ILDR2: variants seen among roughly 807,000 people sequenced by gnomAD.
The protein encoded by ILDR2 is immunoglobulin-like domain-containing receptor 2.
Under a neutral mutation model 66.8 loss-of-function variants are expected in ILDR2, and 25 were observed. The observed-to-expected ratio is 0.37, with a 90% confidence interval of 0.27 to 0.52. The LOEUF (loss-of-function observed/expected upper bound fraction) is 0.52. ILDR2 is among the 20% of genes least tolerant of loss of function. The pLI, the probability that ILDR2 is intolerant of heterozygous loss-of-function variation, is 0.88. For synonymous variants in ILDR2, 367 were observed against 357.2 expected, an observed-to-expected ratio of 1.03 and a Z score of -0.31; for missense variants, 827 against 876.8, an observed-to-expected ratio of 0.94 and a Z score of 0.72.
intron 7 of ILDR2, among the ~76,000 whole-genome samples, chr1:166,925,882 C>T (rs1168676499): frequency 1.3e-5 from 2 of 152,148 alleles, no homozygotes; most frequent in East Asian, 1.9e-4. Flanking sequence ...CTGTGAGATT[C>T]GCAAATTTCC....
chr1:166,904,654 A>C (rs1479940853), downstream of ILDR2, among the ~76,000 whole-genome samples: 1 of 152,210 alleles, frequency 6.6e-6, no homozygotes, highest in Non-Finnish European at 1.5e-5. Flanking sequence ...GGATCTGTAA[A>C]ACAGAGAAAA....
chr1:166,932,074 G>C (rs1300188394), intron 6 of ILDR2, among the ~76,000 whole-genome samples: 1 of 152,204 alleles, frequency 6.6e-6, no homozygotes, highest in East Asian at 1.9e-4. Flanking sequence ...AAACAAAACA[G>C]GAACATCTGG....
At chr1:166,969,556 CCT>C (rs1387990250) in intron 1 of ILDR2, among the ~76,000 whole-genome samples, 7 of 152,202 alleles carry the variant, frequency 4.6e-5, no homozygotes, top group African/African-American at 1.7e-4. Context: ...TGGGGCACAT[CCT>C]CTGTTCTCAC....
chr1:166,913,208 G>C lies in ILDR2; in HGVS notation c.*6147C>G, dbSNP rs1269535741. On this transcript the variant is annotated 3_prime_UTR_variant, in exon 10 of 10. Coordinates refer to ENST00000271417, the MANE Select transcript of ILDR2 (RefSeq NM_199351.3). ...TTATGAGTTCTTGGTAACAAATGTA[G>C]GTAAGAATTCTTTATTACGTTTAAA... 1 of 152,066 alleles carries C rather than the reference G, an allele frequency of 6.6e-6. No homozygotes were observed. The highest frequency in any genetic ancestry group is 1.5e-5 in the Non-Finnish European group (1 of 68,018). 9.4% of individuals were successfully genotyped at this position (152,066 alleles called of 1,614,324 possible). A position where few individuals can be genotyped will look rare whatever the true frequency, so the allele number is the denominator to read the frequency against.
chr1:166,909,774 T>TATATAAATATATATAA lies in ILDR2; in HGVS notation c.*9580_*9581insTTATATATATTTATAT. 2.8e-5 allele frequency: 1 copy of TATATAAATATATATAA among 35,440 alleles called. No homozygotes were observed. The highest frequency in any genetic ancestry group is 5.1e-5 in the Non-Finnish European group (1 of 19,756). The allele number at this position is 35,440 out of a possible 1,614,324, so 2.2% of individuals were successfully genotyped here. ...ATATATATATAAATATATATAAATATATATATTTATATATATATATATATA... is the reference window on the plus strand; with the variant it reads ...ATATATATATAAATATATATAAATATATATAAATATATATAAATATATTTATATATATATATATATA... On this transcript the variant is annotated 3_prime_UTR_variant, in exon 10 of 10. Transcript: ENST00000271417.
intron 2 of ILDR2, among the ~76,000 whole-genome samples, chr1:166,898,905 A>G (rs1659214991): frequency 1.3e-5 from 2 of 151,830 alleles, no homozygotes; most frequent in South Asian, 4.2e-4. Context: ...AAAAAAAAAA[A>G]AGAAATTAGC....
At chr1:166,945,156 C>A (rs1166242082) in intron 3 of ILDR2, among the ~76,000 whole-genome samples, 1 of 152,140 alleles carries the variant, frequency 6.6e-6, no homozygotes, top group Admixed American at 6.5e-5. Flanking sequence ...CTATATACTG[C>A]ACAATGTTTA....
chr1:166,905,877 C>G (rs1010412663), downstream of ILDR2, among the ~76,000 whole-genome samples: 2 of 152,154 alleles, frequency 1.3e-5, no homozygotes, highest in African/African-American at 4.8e-5. Context: ...TCTCTTTTGC[C>G]CACGGCTTAT....
chr1:166,930,445 T>A (rs1304306773), intron 6 of ILDR2, among the ~76,000 whole-genome samples: 2 of 152,228 alleles, frequency 1.3e-5, no homozygotes, highest in Non-Finnish European at 2.9e-5. Flanking sequence ...AAAGTATTGA[T>A]CTTTTGACTT....
Position 166,957,903 on chromosome 1 carries a change from T to C in ILDR2, c.245A>G (p.Lys82Arg). ...MSSTRAQSLS[K>R]RNLEWDPYLD... ...GTAGGGGTCCCATTCCAGGTTTCTC[T>C]TGCTGAGAGATTGGGCCCGGGTAGA... The change falls in exon 2 of 10, where the codon AAG becomes AGG. Residue 82 changes from lysine (K) to arginine (R), a missense_variant. This residue lies in a region of ILDR2 where 437 missense variants were observed against 523.2 expected (regional missense o/e 0.84). Coordinates refer to ENST00000271417, the MANE Select transcript of ILDR2 (RefSeq NM_199351.3). 1 of 1,614,152 alleles carries C rather than the reference T, an allele frequency of 6.2e-7. No homozygotes were observed. The highest frequency in any genetic ancestry group is 8.5e-7 in the Non-Finnish European group (1 of 1,179,992).
Position 166,921,336 on chromosome 1 carries a change from C to A in ILDR2, c.1255G>T (p.Ala419Ser), listed in dbSNP as rs201507661. 6.3e-7 allele frequency: 1 copy of A among 1,583,692 alleles called. No individual in the cohort carries two copies. Among genetic ancestry groups the A allele is most frequent in the Non-Finnish European group, 8.6e-7 (1 of 1,161,508 alleles). The stretch of plus-strand genomic sequence containing the variant: ...ATGGAAACGGCCGGCACCCCCGTGG[C>A]GAAGTTCTTCCGCGACAGCATCTCC... ...KSEMLSRKNF[A>S]TGVPAVSMDE... Residue 419 changes from alanine to serine, a missense_variant, in exon 9 of 10, where the codon GCC becomes TCC. By Grantham distance (99) the Ala-to-Ser change is moderately conservative. Transcript: ENST00000271417. The surrounding 1 kb of genome is among the most constrained non-coding windows in gnomAD (Gnocchi z 5.3).
chr1:166,931,416 C>T (rs990209438), intron 6 of ILDR2, among the ~76,000 whole-genome samples: 1 of 152,182 alleles, frequency 6.6e-6, no homozygotes, highest in African/African-American at 2.4e-5. Context: ...AGAAGTGATT[C>T]TTAAAATTTG....
At chr1:166,963,905 C>G (rs1044693819) in intron 1 of ILDR2, among the ~76,000 whole-genome samples, 3 of 152,126 alleles carry the variant, frequency 2.0e-5, no homozygotes, top group Admixed American at 6.5e-5. Flanking sequence ...GCTGGGCCTC[C>G]AAGTCCAGGC....
At chr1:166,948,650 T>C (rs1391581041) in intron 3 of ILDR2, among the ~76,000 whole-genome samples, 2 of 152,114 alleles carry the variant, frequency 1.3e-5, no homozygotes, top group East Asian at 3.9e-4. Flanking sequence ...ACTGGCAAAA[T>C]ACAGTACAGA....
At chr1:166,965,761 G>T (rs1255034664) in intron 1 of ILDR2, among the ~76,000 whole-genome samples, 2 of 150,598 alleles carry the variant, frequency 1.3e-5, no homozygotes, top group African/African-American at 4.9e-5. Flanking sequence ...TTTTAGTAGA[G>T]GTGGGGTTTC....
rs1460706562 is a variant in ILDR2, at chr1:166,916,421, A to G, written c.*2934T>C. 9.2e-5 allele frequency: 14 copies of G among 152,184 alleles called. No homozygotes were observed. Among genetic ancestry groups the G allele is most frequent in the Admixed American group, 9.2e-4 (14 of 15,286 alleles). 9.4% of individuals were successfully genotyped at this position (152,184 alleles called of 1,614,324 possible). A position where few individuals can be genotyped will look rare whatever the true frequency, so the allele number is the denominator to read the frequency against. On this transcript the variant is annotated 3_prime_UTR_variant, in exon 10 of 10. Coordinates refer to ENST00000271417, the MANE Select transcript of ILDR2 (RefSeq NM_199351.3). ...AAATCTCCTTTCTTGAGCATGTCTT[A>G]TTTCCCCTATTAAATTACGGGGTCC...
At chr1:166,970,216 G>A (rs2102030644) in intron 1 of ILDR2, among the ~76,000 whole-genome samples, 1 of 152,260 alleles carries the variant, frequency 6.6e-6, no homozygotes, top group Non-Finnish European at 1.5e-5. Flanking sequence ...TAATTGTTCA[G>A]AGTAGAACCT....
Position 166,923,725 on chromosome 1 carries a change from C to G in ILDR2, c.995-916G>C, listed in dbSNP as rs377661998. 3.3e-5 allele frequency among the ~76,000 whole-genome samples: 5 copies of G among 152,210 alleles called. No homozygotes were observed. In the East Asian group the frequency reaches 7.7e-4, roughly 23 times the overall value. On this transcript the variant is annotated intron_variant, in intron 7 of 9. Coordinates refer to ENST00000271417, the MANE Select transcript of ILDR2 (RefSeq NM_199351.3). ...AGCTTTTTGCAAAAGCACTTGTGAA[C>G]AAGGACCAGAATCACAGTCTGGAAA...
Position 166,922,886 on chromosome 1 carries a change from C to CT in ILDR2, c.995-78dup, listed in dbSNP as rs1448574001. ...GACAGGAAGAGAATCCTGTTAAGGGCTGAGACCCTAGGCTCCAGGAAACTC... is the reference window on the plus strand; with the variant it reads ...GACAGGAAGAGAATCCTGTTAAGGGCTTGAGACCCTAGGCTCCAGGAAACTC... On this transcript the variant is annotated intron_variant, in intron 7 of 9. Coordinates refer to ENST00000271417, the MANE Select transcript of ILDR2 (RefSeq NM_199351.3). 5 of 1,303,156 alleles carry CT rather than the reference C, an allele frequency of 3.8e-6. No homozygotes were observed. In the African/African-American group the frequency reaches 7.3e-5, roughly 19 times the overall value. The allele number at this position is 1,303,156 out of a possible 1,614,324, so 80.7% of individuals were successfully genotyped here.
Sources: gnomAD v4.1 joint callset for allele counts (sites outside exome capture counted in the v4.1 genomes callset) on GRCh38, gnomAD v4.1.1 for gene constraint, gnomAD v4.1.1 regional missense constraint, Gnocchi (gnomAD v3.1) non-coding constraint, MANE v1.5 for transcripts, NCBI Gene and HGNC (gene_info 2026-07-23, HGNC 2026-07-21) for gene names.